ELAPOR1: variants seen among roughly 807,000 people sequenced by gnomAD.
ELAPOR1 encodes endosome-lysosome associated apoptosis and autophagy regulator 1, also known as endosome/lysosome-associated apoptosis and autophagy regulator 1.
ELAPOR1 carries 77 observed loss-of-function variants against 119.7 expected under a neutral mutation model. The ratio of observed to expected loss-of-function variants is 0.64; its 90% CI spans 0.54 to 0.78. The LOEUF is 0.78. ELAPOR1 is among the 30% of genes least tolerant of loss of function. ELAPOR1 has a pLI of 0.00. For missense variants in ELAPOR1, 1,115 were observed against 1,270.4 expected, an observed-to-expected ratio of 0.88 and a Z score of 1.86; for synonymous variants, 481 against 487.2, an observed-to-expected ratio of 0.99 and a Z score of 0.17.
At chr1:109,157,949 ACAATCAC>A (rs1650983071) in intron 1 of ELAPOR1, among the ~76,000 whole-genome samples, 1 of 152,206 alleles carries the variant, frequency 6.6e-6, no homozygotes, top group Non-Finnish European at 1.5e-5. Flanking sequence ...ATGTAGTGGT[ACAATCAC>A]GGCTCACTGC....
intron 7 of ELAPOR1, among the ~76,000 whole-genome samples, chr1:109,180,089 G>A (rs1286301527): frequency 6.6e-6 from 1 of 152,140 alleles, no homozygotes; most frequent in African/African-American, 2.4e-5. Flanking sequence ...GGAGATTGGA[G>A]AACTCACAGG....
chr1:109,139,025 A>C (rs1418967061), intron 1 of ELAPOR1, among the ~76,000 whole-genome samples: 1 of 152,026 alleles, frequency 6.6e-6, no homozygotes, highest in Non-Finnish European at 1.5e-5. Context: ...CCTCCTAGGA[A>C]GTAGCCCCTG....
At chr1:109,199,218 A>G (rs1219984236) in intron 18 of ELAPOR1, among the ~76,000 whole-genome samples, 1 of 152,164 alleles carries the variant, frequency 6.6e-6, no homozygotes. Flanking sequence ...AAAAATTTCT[A>G]AATGAATATG....
chr1:109,117,506 G>C (rs1648094254), intron 1 of ELAPOR1, among the ~76,000 whole-genome samples: 1 of 152,138 alleles, frequency 6.6e-6, no homozygotes, highest in Non-Finnish European at 1.5e-5. Flanking sequence ...TAGCAGACAT[G>C]GATTGGAATA....
At chr1:109,126,218 G>C (rs1648768966) in intron 1 of ELAPOR1, among the ~76,000 whole-genome samples, 1 of 152,200 alleles carries the variant, frequency 6.6e-6, no homozygotes, top group Non-Finnish European at 1.5e-5. Flanking sequence ...TGGATCTGAA[G>C]GGTGTGGAAG....
chr1:109,158,817 G>C (rs1431798915), intron 1 of ELAPOR1, among the ~76,000 whole-genome samples: 2 of 151,168 alleles, frequency 1.3e-5, no homozygotes, highest in Non-Finnish European at 2.9e-5. Context: ...GAATTGATGT[G>C]TTTGCAGAAC....
rs1651423665 is a variant in ELAPOR1 at position 109,164,073 on chromosome 1, C to T, written c.275-426C>T. ...GCTTTATTGGTATATAATTTATATG[C>T]CATGAAATTCATTCCTTTAAGGATA... On this transcript the variant is annotated intron_variant, in intron 2 of 21. Transcript: ENST00000369939. Among the ~76,000 whole-genome samples, 3 of 152,216 alleles carry T rather than the reference C, an allele frequency of 2.0e-5. No individual in the cohort carries two copies. The South Asian group carries it at 6.2e-4, about 32-fold the overall frequency.
chr1:109,184,093 C>T (rs1231953878), intron 7 of ELAPOR1, among the ~76,000 whole-genome samples: 1 of 151,924 alleles, frequency 6.6e-6, no homozygotes, highest in African/African-American at 2.4e-5. Flanking sequence ...ATAAAGAGGC[C>T]GGGCACGGTG....
intron 1 of ELAPOR1, among the ~76,000 whole-genome samples, chr1:109,132,093 A>C (rs1242941688): frequency 6.6e-6 from 1 of 152,132 alleles, no homozygotes; most frequent in African/African-American, 2.4e-5. Context: ...AGCCAGAGGA[A>C]CTAATATCTT....
At chr1:109,190,938 C>T (rs1200049893) in intron 11 of ELAPOR1, among the ~76,000 whole-genome samples, 9 of 152,114 alleles carry the variant, frequency 5.9e-5, no homozygotes, top group African/African-American at 1.4e-4. Context: ...AATGTGCACA[C>T]GAATCGCCTG....
In ELAPOR1 at chr1:109,187,316, CAGCCCTCCGCAGGGA is replaced by C. The variant is rs1168762519; in HGVS notation, c.1042-858_1042-844del. 3 of 985,366 alleles carry C rather than the reference CAGCCCTCCGCAGGGA, an allele frequency of 3.0e-6. No homozygotes were observed. In the African/African-American group the frequency reaches 5.2e-5, roughly 17 times the overall value. The allele number at this position is 985,366 out of a possible 1,614,324, so 61.0% of individuals were successfully genotyped here. ...TTCAAGCCTGGGGCTCTGGCTGTCG[CAGCCCTCCGCAGGGA>C]AGAGGGCCGAGCTGAGCAGGGGAAG... On this transcript the variant is annotated intron_variant, in intron 8 of 21. Transcript: ENST00000369939.
At chr1:109,115,377 A>G (rs922664765) in intron 1 of ELAPOR1, among the ~76,000 whole-genome samples, 9 of 152,192 alleles carry the variant, frequency 5.9e-5, no homozygotes, top group Admixed American at 3.9e-4. Flanking sequence ...TTTAATCCCA[A>G]ATATCAAGCT....
Position 109,205,970 on chromosome 1 carries a change from TCA to T in ELAPOR1, c.*2961_*2962del, listed in dbSNP as rs1444180841. The T allele has an allele frequency of 2.0e-5, 3 of 152,196 alleles. No individual in the cohort carries two copies. Among genetic ancestry groups the T allele is most frequent in the Non-Finnish European group, 2.9e-5 (2 of 68,046 alleles). The allele number at this position is 152,196 out of a possible 1,614,324, so 9.4% of individuals were successfully genotyped here. On this transcript the variant is annotated 3_prime_UTR_variant, in exon 22 of 22. Coordinates refer to ENST00000369939, the MANE Select transcript of ELAPOR1 (RefSeq NM_020775.5). ...TACGATTCAATGGTTTTCAGCAAACTCACAGAGTTGTCCGCCCACTTGAGAGC... is the reference window on the plus strand; with the variant it reads ...TACGATTCAATGGTTTTCAGCAAACTCAGAGTTGTCCGCCCACTTGAGAGC...
intron 7 of ELAPOR1, among the ~76,000 whole-genome samples, chr1:109,175,912 G>A (rs532641930): frequency 3.5e-4 from 52 of 149,792 alleles, no homozygotes; most frequent in African/African-American, 1.2e-3. Context: ...ACATTTTAAC[G>A]TATAACAATT....
At chr1:109,181,453 G>C (rs1159917291) in intron 7 of ELAPOR1, among the ~76,000 whole-genome samples, 1 of 152,168 alleles carries the variant, frequency 6.6e-6, no homozygotes, top group Non-Finnish European at 1.5e-5. Context: ...AGCTGGGAAA[G>C]GAGGTTGGTC....
intron 1 of ELAPOR1, among the ~76,000 whole-genome samples, chr1:109,144,062 T>TATATATATA (rs1296463049): frequency 4.1e-4 from 15 of 36,528 alleles, no homozygotes; most frequent in Admixed American, 8.1e-4. Context: ...TATTTATATA[T>TATATATATA]TTTTTTTTTT....
chr1:109,185,628 A>C (rs1056213693), intron 8 of ELAPOR1, among the ~76,000 whole-genome samples: 1 of 152,198 alleles, frequency 6.6e-6, no homozygotes, highest in Non-Finnish European at 1.5e-5. Context: ...TCACTGAGTC[A>C]ACAAGCATTT....
chr1:109,203,153 C>CT lies in ELAPOR1; in HGVS notation c.*148dup, dbSNP rs3832017. 2,419 of 617,962 alleles carry CT rather than the reference C, an allele frequency of 3.9e-3. 47 individuals are homozygous for CT. The East Asian group carries it at 0.039, about 10-fold the overall frequency. 38.3% of individuals were successfully genotyped at this position (617,962 alleles called of 1,614,324 possible). A position where few individuals can be genotyped will look rare whatever the true frequency, so the allele number is the denominator to read the frequency against. ...CTTATCAGATGTTTGAATTTCAGAT[C>CT]TTTTTTTATAGAGTACCCAAACCCT... is the stretch of plus-strand genomic sequence containing the variant. On this transcript the variant is annotated 3_prime_UTR_variant, in exon 22 of 22. Transcript: ENST00000369939.
At chr1:109,188,920 C>T in intron 9 of ELAPOR1, 146 bp from the exon 10 acceptor site, 2 of 844,692 alleles carry the variant, frequency 2.4e-6, no homozygotes, top group South Asian at 1.8e-5. Flanking sequence ...TTTGAGTCAA[C>T]TTGATACAAC....
Sources: allele counts gnomAD v4.1 joint callset (sites outside exome capture counted in the v4.1 genomes callset), GRCh38; gene constraint gnomAD v4.1.1; transcripts MANE v1.5; gene names NCBI Gene and HGNC (gene_info 2026-07-23, HGNC 2026-07-21).